GLRB: variants seen among roughly 807,000 people sequenced by gnomAD.
GLRB encodes the protein glycine receptor beta.
GLRB carries 33 observed loss-of-function variants against 54.2 expected under a neutral mutation model. That is an observed-to-expected ratio of 0.61 (90% CI 0.46 to 0.81). GLRB has a LOEUF of 0.81. GLRB is among the 40% of genes least tolerant of loss of function. The probability of loss-of-function intolerance (pLI) is 0.00; values close to 1 mark genes in which losing one functional copy is unlikely to be tolerated. For missense variants in GLRB, 572 were observed against 584.6 expected, an observed-to-expected ratio of 0.98 and a Z score of 0.22; for synonymous variants, 209 against 208.2, an observed-to-expected ratio of 1.00 and a Z score of -0.03.
At chr4:157,084,778 G>A in intron 2 of GLRB, 1 of 440,564 alleles carries the variant, frequency 2.3e-6, no homozygotes, top group Non-Finnish European at 4.5e-6. Context: ...ATGCTGCTTG[G>A]GTATTATATT....
intron 2 of GLRB, among the ~76,000 whole-genome samples, chr4:157,095,420 G>T (rs879350413): frequency 1.3e-5 from 2 of 152,080 alleles, no homozygotes; most frequent in Non-Finnish European, 2.9e-5. Context: ...TAAGTTTGAG[G>T]TATCCATTAG....
At chr4:157,099,682 A>G (rs1734945899) in intron 2 of GLRB, among the ~76,000 whole-genome samples, 1 of 152,128 alleles carries the variant, frequency 6.6e-6, no homozygotes, top group Non-Finnish European at 1.5e-5. Context: ...ATAAACATTC[A>G]TATCTGTTGG....
intron 8 of GLRB, among the ~76,000 whole-genome samples, chr4:157,146,787 C>T (rs1260175971): frequency 1.3e-5 from 2 of 151,974 alleles, no homozygotes; most frequent in African/African-American, 4.8e-5. Context: ...CACTACTGCA[C>T]TCCAGCCTGG....
intron 9 of GLRB, among the ~76,000 whole-genome samples, chr4:157,155,252 C>A (rs2126608162): frequency 6.6e-6 from 1 of 152,216 alleles, no homozygotes; most frequent in Non-Finnish European, 1.5e-5. Context: ...CCTAAGCCTC[C>A]CAATTAGTTA....
At chr4:157,142,767 A>T (rs1736664405) in intron 7 of GLRB, among the ~76,000 whole-genome samples, 1 of 152,150 alleles carries the variant, frequency 6.6e-6, no homozygotes, top group Admixed American at 6.5e-5. Flanking sequence ...AAAAAATTAT[A>T]TAGAGTTTAA....
chr4:157,088,107 A>T (rs943280904), intron 2 of GLRB, among the ~76,000 whole-genome samples: 1 of 152,166 alleles, frequency 6.6e-6, no homozygotes, highest in African/African-American at 2.4e-5. Flanking sequence ...TGCTAATAAA[A>T]TATGTTGGAT....
intron 9 of GLRB, among the ~76,000 whole-genome samples, chr4:157,154,553 G>A (rs1166867191): frequency 2.7e-5 from 4 of 147,626 alleles, no homozygotes; most frequent in South Asian, 4.3e-4. Context: ...TCAGCCTCCC[G>A]AGTAACTGGG....
intron 9 of GLRB, among the ~76,000 whole-genome samples, chr4:157,166,452 G>A (rs1189259550): frequency 6.6e-6 from 1 of 151,972 alleles, no homozygotes; most frequent in Non-Finnish European, 1.5e-5. Flanking sequence ...AGGTGTAACA[G>A]AAAATTTTCT....
At chr4:157,142,957 T>A (rs951528101) in intron 7 of GLRB, among the ~76,000 whole-genome samples, 5 of 152,182 alleles carry the variant, frequency 3.3e-5, no homozygotes, top group African/African-American at 1.2e-4. Flanking sequence ...ATACCTTTTC[T>A]ATTTGAATGC....
At chr4:157,079,143 A>G (rs770079427) in intron 2 of GLRB, among the ~76,000 whole-genome samples, 1 of 152,220 alleles carries the variant, frequency 6.6e-6, no homozygotes, top group Non-Finnish European at 1.5e-5. Flanking sequence ...ATTGTACAGT[A>G]TATAAGTAAA....
At position 157,149,921 on chromosome 4, in the gene GLRB, A is replaced by G. The variant is rs75812049; in HGVS notation, c.905-2797A>G. On this transcript the variant is annotated intron_variant, in intron 8 of 9. Transcript: ENST00000264428. ...TTTCAATTTTTCTCTTTTCACCAATACATTCCTAGTATATATGCTGTTAGG... is the reference window on the plus strand; with the variant it reads ...TTTCAATTTTTCTCTTTTCACCAATGCATTCCTAGTATATATGCTGTTAGG... Among the ~76,000 whole-genome samples the G allele has an allele frequency of 8.4e-3, 1,269 of 151,812 alleles. 8 individuals are homozygous for G. The highest frequency in any genetic ancestry group is 0.011 in the Non-Finnish European group (717 of 67,874).
Position 157,093,455 on chromosome 4 carries a change from T to C in GLRB, c.122+15309T>C, listed in dbSNP as rs140042666. 1.4e-3 allele frequency among the ~76,000 whole-genome samples: 219 copies of C among 152,174 alleles called. 2 individuals are homozygous for C. Among genetic ancestry groups the C allele is most frequent in the African/African-American group, 4.9e-3 (204 of 41,520 alleles). The stretch of plus-strand genomic sequence containing the variant: ...AAGAAGCGAAGTATAAAATATATAG[T>C]TCTGGCCAGGCGCAGTGACTCACAC... On this transcript the variant is annotated intron_variant, in intron 2 of 9. Transcript: ENST00000264428.
intron 9 of GLRB, among the ~76,000 whole-genome samples, chr4:157,153,355 A>G (rs576524218): frequency 1.3e-5 from 2 of 152,244 alleles, no homozygotes; most frequent in South Asian, 2.1e-4. Context: ...TTCTCATTCA[A>G]TGTATCTTAA....
chr4:157,131,034 A>ATT (rs147433184), intron 4 of GLRB, among the ~76,000 whole-genome samples: 2 of 151,310 alleles, frequency 1.3e-5, no homozygotes, highest in Admixed American at 6.6e-5. Flanking sequence ...GTCTTGAAGA[A>ATT]TTTTTTTTCT....
chr4:157,103,661 C>G (rs548954871), intron 2 of GLRB, among the ~76,000 whole-genome samples: 3 of 152,016 alleles, frequency 2.0e-5, no homozygotes, highest in African/African-American at 7.2e-5. Context: ...CAATATTAAG[C>G]CTTCCAACCC....
chr4:157,119,700 G>C (rs1735733614), intron 2 of GLRB, among the ~76,000 whole-genome samples: 1 of 151,672 alleles, frequency 6.6e-6, no homozygotes, highest in Admixed American at 6.6e-5. Flanking sequence ...TCTCACACCA[G>C]TTAGAATGGC....
chr4:157,139,686 A>G (rs1253827073), intron 7 of GLRB, among the ~76,000 whole-genome samples: 1 of 152,036 alleles, frequency 6.6e-6, no homozygotes, highest in Non-Finnish European at 1.5e-5. Context: ...AGATTATTCA[A>G]TTTTGATTAT....
chr4:157,126,221 GC>G (rs1247091447), intron 4 of GLRB, among the ~76,000 whole-genome samples: 2 of 151,926 alleles, frequency 1.3e-5, no homozygotes, highest in South Asian at 4.1e-4. Flanking sequence ...ATTTGTTTTT[GC>G]TTTTTTTCTC....
chr4:157,157,065 C>T (rs1737258266), intron 9 of GLRB, among the ~76,000 whole-genome samples: 3 of 152,116 alleles, frequency 2.0e-5, no homozygotes, highest in Admixed American at 1.3e-4. Context: ...CACCAGTTCC[C>T]CATGTTGTCT....
Sources: gnomAD v4.1 joint callset for allele counts (sites outside exome capture counted in the v4.1 genomes callset) on GRCh38, gnomAD v4.1.1 for gene constraint, MANE v1.5 for transcripts, NCBI Gene and HGNC (gene_info 2026-07-23, HGNC 2026-07-21) for gene names.